MARK2: variants seen among roughly 807,000 people sequenced by gnomAD.
MARK2 encodes the protein serine/threonine-protein kinase MARK2.
A neutral mutation model predicts 89.8 loss-of-function variants in MARK2; 16 were observed. That is an observed-to-expected ratio of 0.18 (90% CI 0.12 to 0.27). The LOEUF (loss-of-function observed/expected upper bound fraction) is 0.27, where lower values mean the gene tolerates loss of function less well. Ranked by LOEUF, MARK2 falls within the 10% of genes least tolerant of loss-of-function variation. The pLI is 1.00. For missense variants in MARK2, 621 were observed against 1,049.9 expected, an observed-to-expected ratio of 0.59 and a Z score of 5.65; for synonymous variants, 382 against 399.5, an observed-to-expected ratio of 0.96 and a Z score of 0.52.
chr11:63,847,960 C>T (rs539455182), intron 1 of MARK2, among the ~76,000 whole-genome samples: 37 of 152,294 alleles, frequency 2.4e-4, no homozygotes, highest in Admixed American at 2.6e-4. Context: ...CGCAATGGGA[C>T]TGTCTGTCCA....
At chr11:63,884,209 A>C (rs572486775) in intron 1 of MARK2, among the ~76,000 whole-genome samples, 19 of 152,314 alleles carry the variant, frequency 1.2e-4, no homozygotes, top group African/African-American at 4.3e-4. Context: ...ATTCTCAGGG[A>C]TGAAAGTAGT....
chr11:63,908,456 C>G, intron 18 of MARK2, 152 bp downstream of exon 18: 1 of 649,622 alleles, frequency 1.5e-6, no homozygotes, highest in South Asian at 1.8e-5. Flanking sequence ...GAGAGTTTCC[C>G]CTTCCCAAAC....
Position 63,895,658 on chromosome 11 carries a change from C to CTT in MARK2, c.288+52_288+53dup, listed in dbSNP as rs544118942. On this transcript the variant is annotated intron_variant, in intron 3 of 18. Transcript: ENST00000402010. Reference sequence around the variant, plus strand: ...AGTAAGCACATGGCACCTCCTGTCCCTTTTTTTTTTTTTTTTTTTTTTTTT... The same window carrying CTT: ...AGTAAGCACATGGCACCTCCTGTCCCTTTTTTTTTTTTTTTTTTTTTTTTTTT... 2.4e-3 allele frequency: 2,833 copies of CTT among 1,160,498 alleles called. 14 individuals carry two copies. The highest frequency in any genetic ancestry group is 9.3e-3 in the African/African-American group (354 of 37,870). 71.9% of individuals were successfully genotyped at this position (1,160,498 alleles called of 1,614,324 possible). A position where few individuals can be genotyped will look rare whatever the true frequency, so the allele number is the denominator to read the frequency against.
intron 1 of MARK2, among the ~76,000 whole-genome samples, chr11:63,873,336 C>T (rs1035756897): frequency 1.3e-5 from 2 of 152,112 alleles, no homozygotes; most frequent in African/African-American, 4.8e-5. Context: ...AACTTACTAC[C>T]TTCAGTTTTC....
intron 1 of MARK2, among the ~76,000 whole-genome samples, chr11:63,865,751 G>A (rs188515930): frequency 2.0e-5 from 3 of 152,354 alleles, no homozygotes; most frequent in African/African-American, 7.2e-5. Flanking sequence ...TTTCATTGAT[G>A]TGGCACTGTT....
intron 5 of MARK2, 44 bp downstream of exon 5, chr11:63,898,717 C>T (rs1047100763): frequency 6.2e-7 from 1 of 1,610,766 alleles, no homozygotes; most frequent in African/African-American, 1.3e-5. Flanking sequence ...CCACTTCTTC[C>T]ACCTCCAGCC....
intron 1 of MARK2, among the ~76,000 whole-genome samples, chr11:63,880,828 G>T (rs1008624661): frequency 6.6e-6 from 1 of 152,204 alleles, no homozygotes; most frequent in African/African-American, 2.4e-5. Flanking sequence ...AGGGGATCTC[G>T]TGGCTCATTA....
intron 1 of MARK2, among the ~76,000 whole-genome samples, chr11:63,872,599 C>T (rs1938516987): frequency 6.6e-6 from 1 of 152,156 alleles, no homozygotes; most frequent in Non-Finnish European, 1.5e-5. Context: ...AGGCCATAAA[C>T]CTGCCCACCT....
At position 63,898,222 on chromosome 11, in the gene MARK2, T is replaced by C; in HGVS notation, c.289-10T>C. The C allele has an allele frequency of 1.2e-6, 2 of 1,613,284 alleles. No homozygotes were observed. Among genetic ancestry groups the C allele is most frequent in the South Asian group, 1.1e-5 (1 of 91,056 alleles). On this transcript the variant is annotated splice_polypyrimidine_tract_variant and intron_variant, in intron 3 of 18. Transcript: ENST00000402010. Reference sequence around the variant, plus strand: ...TGGGCAGGCATGACCCCTGGTATTTTATCTTCCAGCTATTCCGCGAAGTAA... The same window carrying C: ...TGGGCAGGCATGACCCCTGGTATTTCATCTTCCAGCTATTCCGCGAAGTAA...
intron 1 of MARK2, among the ~76,000 whole-genome samples, chr11:63,878,406 T>C (rs1938900918): frequency 6.8e-6 from 1 of 146,676 alleles, no homozygotes; most frequent in African/African-American, 2.6e-5. Flanking sequence ...TCTCTCGCTC[T>C]GTCGCCTAGG....
intron 2 of MARK2, 104 bp downstream of exon 2, chr11:63,895,442 A>G (rs1940294741): frequency 1.4e-6 from 2 of 1,453,374 alleles, no homozygotes; most frequent in Admixed American, 1.7e-5. Context: ...TTTATCCGGC[A>G]GAAATGAGAT....
intron 3 of MARK2, among the ~76,000 whole-genome samples, chr11:63,897,614 T>C (rs1940520279): frequency 6.6e-6 from 1 of 152,226 alleles, no homozygotes; most frequent in Non-Finnish European, 1.5e-5. Flanking sequence ...CATCTTTCTT[T>C]ATGGAAATAC....
In MARK2 at chr11:63,908,989, C is replaced by T; in HGVS notation, c.2119C>T (p.Pro707Ser). 6.3e-7 allele frequency: 1 copy of T among 1,577,034 alleles called. No homozygotes were observed. The highest frequency in any genetic ancestry group is 8.7e-7 in the Non-Finnish European group (1 of 1,151,850). Residue 707 changes from proline (P) to serine (S), a missense_variant, in exon 19 of 19, where the codon CCC becomes TCC. Physicochemically the swap from Pro to Ser is moderately conservative, Grantham distance 74 (BLOSUM62 -1). Around this residue, in one of 5 missense-constraint regions of MARK2, gnomAD observed 49 missense variants for 46.7 expected, o/e 1.05. Coordinates refer to ENST00000402010, the MANE Select transcript of MARK2 (RefSeq NM_001039469.3). Reference sequence around the variant, plus strand: ...TATGAAGACCACGAGCTCCATGGAGCCCAACGAGATGATGCGGGAGATCCG... The same window carrying T: ...TATGAAGACCACGAGCTCCATGGAGTCCAACGAGATGATGCGGGAGATCCG... Reference protein sequence around the residue: ...WSMKTTSSMEPNEMMREIRKV... With the variant: ...WSMKTTSSMESNEMMREIRKV...
chr11:63,854,279 A>T (rs1409714443), intron 1 of MARK2, among the ~76,000 whole-genome samples: 1 of 140,774 alleles, frequency 7.1e-6, no homozygotes, highest in South Asian at 2.2e-4. Flanking sequence ...CGCCCACTGC[A>T]ACCTCTGCCT....
chr11:63,894,007 C>T (rs547188484), intron 1 of MARK2, among the ~76,000 whole-genome samples: 22 of 152,288 alleles, frequency 1.4e-4, no homozygotes, highest in Admixed American at 1.1e-3. Context: ...ATATTCAACC[C>T]GTATTATGTT....
At position 63,894,322 on chromosome 11, in the gene MARK2, C is replaced by T. The variant is rs577973089; in HGVS notation, c.55-837C>T. ...ATTCGTAGTTCAGCGGCAGAAATTT[C>T]GTCTCCTACGCGGGAGACTCGGGTT... On this transcript the variant is annotated intron_variant, in intron 1 of 18. Transcript: ENST00000402010. Among the ~76,000 whole-genome samples, 11 of 152,340 alleles carry T rather than the reference C, an allele frequency of 7.2e-5. No homozygotes were observed. In the South Asian group the frequency reaches 2.3e-3, roughly 32 times the overall value.
At chr11:63,898,933 A>T (rs1940640117) in intron 6 of MARK2, 100 bp downstream of exon 6, 4 of 1,264,072 alleles carry the variant, frequency 3.2e-6, no homozygotes, top group Non-Finnish European at 4.6e-6. Context: ...CTTGGAGGGT[A>T]CTTTGGGCTC....
At chr11:63,906,982 G>T (rs1941392539) in intron 17 of MARK2, among the ~76,000 whole-genome samples, 1 of 152,122 alleles carries the variant, frequency 6.6e-6, no homozygotes, top group African/African-American at 2.4e-5. Flanking sequence ...CAAAACAACA[G>T]GAGATCTCTG....
chr11:63,892,599 C>T (rs1939965012), intron 1 of MARK2, among the ~76,000 whole-genome samples: 1 of 152,116 alleles, frequency 6.6e-6, no homozygotes, highest in Non-Finnish European at 1.5e-5. Flanking sequence ...TCCAAGGCAG[C>T]TCTGGATGGT....
Sources: allele counts gnomAD v4.1 joint callset (sites outside exome capture counted in the v4.1 genomes callset), GRCh38; gene constraint gnomAD v4.1.1; regional missense constraint gnomAD v4.1.1; transcripts MANE v1.5; gene names NCBI Gene and HGNC (gene_info 2026-07-23, HGNC 2026-07-21).